Variants in RPGRIP1L observed in about 807,000 individuals in gnomAD.
The protein encoded by RPGRIP1L is RPGRIP1 like.
Under a neutral mutation model 160.4 loss-of-function variants are expected in RPGRIP1L, and 131 were observed. The ratio of observed to expected loss-of-function variants is 0.82; its 90% CI spans 0.71 to 0.94. RPGRIP1L has a LOEUF of 0.94. RPGRIP1L is among the 40% of genes least tolerant of loss of function. The pLI, the probability that RPGRIP1L is intolerant of heterozygous loss-of-function variation, is 0.00. For missense variants in RPGRIP1L, 1,522 were observed against 1,535.8 expected, an observed-to-expected ratio of 0.99 and a Z score of 0.15; for synonymous variants, 510 against 515.8, an observed-to-expected ratio of 0.99 and a Z score of 0.15.
chr16:53,638,282 C>T (rs1279581255), intron 20 of RPGRIP1L, 28 bp downstream of exon 20: 1 of 1,316,446 alleles, frequency 7.6e-7, no homozygotes, highest in Admixed American at 1.7e-5. Context: ...ATTAAACCTT[C>T]CAAAATAATT....
chr16:53,691,904 T>C (rs779020129), intron 4 of RPGRIP1L, among the ~76,000 whole-genome samples, 162 bp downstream of exon 4: 1 of 152,232 alleles, frequency 6.6e-6, no homozygotes, highest in Non-Finnish European at 1.5e-5. Context: ...GATTCTTAAA[T>C]AATCTTCACT....
chr16:53,664,781 A>T, intron 10 of RPGRIP1L, 89 bp downstream of exon 10: 1 of 1,432,850 alleles, frequency 7.0e-7, no homozygotes, highest in Non-Finnish European at 9.7e-7. Context: ...ATACTGGCAA[A>T]CAGTAGGCAC....
chr16:53,660,588 A>T (rs1967696872), intron 10 of RPGRIP1L, among the ~76,000 whole-genome samples: 1 of 151,974 alleles, frequency 6.6e-6, no homozygotes. Context: ...CTGTGATCCT[A>T]GGCAATACAG....
rs1388550480 is a variant in RPGRIP1L at position 53,652,685 on chromosome 16, AG to A, written c.2001del (p.Leu668TyrfsTer31). ...FTSQYLVHVN[D>X]LFLQYIQKNT... ...TTCTTCTGAATATATTGCAAAAATA[AG>A]TCATTAACATGAACAAGATATTGAG... On this transcript the variant is annotated frameshift_variant, in exon 15 of 27. Coordinates refer to ENST00000647211, the MANE Select transcript of RPGRIP1L (RefSeq NM_015272.5). LOFTEE classifies it high-confidence loss of function. 1 of 1,614,108 alleles carries A rather than the reference AG, an allele frequency of 6.2e-7. No homozygotes were observed. The highest frequency in any genetic ancestry group is 2.2e-5 in the East Asian group (1 of 44,868).
At position 53,675,806 on chromosome 16, in the gene RPGRIP1L, T is replaced by C. The variant is rs190332778; in HGVS notation, c.777-684A>G. Reference sequence around the variant, plus strand: ...TATTTTGTATTTTTCCTACTGAGATTAAAGCAAATGTAGAATTTAACAGGA... The same window carrying C: ...TATTTTGTATTTTTCCTACTGAGATCAAAGCAAATGTAGAATTTAACAGGA... On this transcript the variant is annotated intron_variant, in intron 6 of 26. Coordinates refer to ENST00000647211, the MANE Select transcript of RPGRIP1L (RefSeq NM_015272.5). Among the ~76,000 whole-genome samples the C allele has an allele frequency of 2.7e-3, 414 of 152,268 alleles. 1 individual carries two copies. The highest frequency in any genetic ancestry group is 4.1e-3 in the Admixed American group (63 of 15,294).
chr16:53,647,252 G>T (rs1966616668), intron 16 of RPGRIP1L, among the ~76,000 whole-genome samples: 1 of 152,196 alleles, frequency 6.6e-6, no homozygotes, highest in Non-Finnish European at 1.5e-5. Context: ...TTCTTTAACT[G>T]AAAGTCATAG....
In RPGRIP1L at chr16:53,675,026, C is replaced by T; in HGVS notation, c.873G>A (p.Gln291=). ...TAAATTATCACTGTACCTCTTGAAGCTGAATAAATTTTCCTTCCATTGCTG... is the reference window on the plus strand; with the variant it reads ...TAAATTATCACTGTACCTCTTGAAGTTGAATAAATTTTCCTTCCATTGCTG... ...ALSAMEGKFI[Q]LQEKQRTLRI... The change falls in exon 7 of 27, where the codon CAG becomes CAA. Residue 291 remains glutamine (Q), a synonymous_variant. Coordinates refer to ENST00000647211, the MANE Select transcript of RPGRIP1L (RefSeq NM_015272.5). The T allele has an allele frequency of 6.3e-7, 1 of 1,592,442 alleles. No homozygotes were observed. The highest frequency in any genetic ancestry group is 1.1e-5 in the South Asian group (1 of 90,666).
At position 53,687,220 on chromosome 16, in the gene RPGRIP1L, C is replaced by T. The variant is rs951621087; in HGVS notation, c.632+643G>A. On this transcript the variant is annotated intron_variant, in intron 5 of 26. Coordinates refer to ENST00000647211, the MANE Select transcript of RPGRIP1L (RefSeq NM_015272.5). ...CAACTATCTTAAGTATGATACTGTGCGCCATGTTTTCTTTTCTCATGAAGT... is the reference window on the plus strand; with the variant it reads ...CAACTATCTTAAGTATGATACTGTGTGCCATGTTTTCTTTTCTCATGAAGT... Among the ~76,000 whole-genome samples the T allele has an allele frequency of 3.9e-5, 6 of 152,104 alleles. No homozygotes were observed. The East Asian group carries it at 5.8e-4, about 15-fold the overall frequency.
rs1483571366 is a variant in RPGRIP1L, at chr16:53,618,933, A to G, written c.3616+92T>C. 1.5e-5 allele frequency: 16 copies of G among 1,036,956 alleles called. No individual in the cohort carries two copies. The Admixed American group carries it at 2.8e-4, about 18-fold the overall frequency. 64.2% of individuals were successfully genotyped at this position (1,036,956 alleles called of 1,614,324 possible). A position where few individuals can be genotyped will look rare whatever the true frequency, so the allele number is the denominator to read the frequency against. On this transcript the variant is annotated intron_variant, in intron 24 of 26. Coordinates refer to ENST00000647211, the MANE Select transcript of RPGRIP1L (RefSeq NM_015272.5). ...ACTTCCATGAATTTATGTGAATATT[A>G]GAGAAATAAACTTTCTCTCTGTTCT...
At position 53,692,397 on chromosome 16, in the gene RPGRIP1L, T is replaced by C. The variant is rs189750129; in HGVS notation, c.231-33A>G. On this transcript the variant is annotated intron_variant, in intron 3 of 26. Transcript: ENST00000647211. The stretch of plus-strand genomic sequence containing the variant: ...AATAATAAAAAGATGAAAAGGAATG[T>C]GAGAAGTCAGCATAAAATCCATTCT... The C allele has an allele frequency of 2.5e-4, 397 of 1,590,466 alleles. 5 individuals are homozygous for C. The East Asian group carries it at 7.9e-3, about 32-fold the overall frequency.
chr16:53,649,051 C>A lies in RPGRIP1L; in HGVS notation c.2217G>T (p.Met739Ile). The A allele has an allele frequency of 1.9e-6, 3 of 1,613,966 alleles. No homozygotes were observed. Among genetic ancestry groups the A allele is most frequent in the Non-Finnish European group, 2.5e-6 (3 of 1,179,878 alleles). The change falls in exon 16 of 27, where the codon ATG becomes ATT. Residue 739 changes from methionine to isoleucine, a missense_variant. Physicochemically the swap from Met to Ile is conservative, Grantham distance 10. Transcript: ENST00000647211. Reference protein sequence around the residue: ...VEYWFRLRVPMDQAIRLYRER... With the variant: ...VEYWFRLRVPIDQAIRLYRER... ...CTCGATAAAGTCGAATTGCTTGATC[C>A]ATGGGAACTCTTAATCGGAACCAGT...
rs1963411897 is a variant in RPGRIP1L at position 53,602,206 on chromosome 16, G to C, written c.3836-18C>G. ...ATCAAAAACTAGGGAGAAAAGAGCA[G>C]GAAAGTGTTAATATCATTCAACAGA... On this transcript the variant is annotated intron_variant, in intron 26 of 26. Coordinates refer to ENST00000647211, the MANE Select transcript of RPGRIP1L (RefSeq NM_015272.5). 6.5e-7 allele frequency: 1 copy of C among 1,534,624 alleles called. No individual in the cohort carries two copies. The highest frequency in any genetic ancestry group is 9.0e-7 in the Non-Finnish European group (1 of 1,108,272).
chr16:53,607,670 C>G (rs887156970), intron 25 of RPGRIP1L, among the ~76,000 whole-genome samples: 2 of 152,154 alleles, frequency 1.3e-5, no homozygotes, highest in African/African-American at 4.8e-5. Flanking sequence ...CAGACAATTA[C>G]CTCCACTGAA....
chr16:53,697,346 GTCTCCCTCTCCCCACGGTCTCCC>G (rs374301727), intron 2 of RPGRIP1L, among the ~76,000 whole-genome samples: 7,285 of 149,578 alleles, frequency 0.049, 354 homozygotes, highest in East Asian at 0.29. Flanking sequence ...TCTCCCCACG[GTCTCCCTCTCCCCACGGTCTCCC>G]TCTCCCTCTC....
intron 3 of RPGRIP1L, chr16:53,695,491 T>A (rs1271754127): frequency 2.9e-6 from 2 of 701,240 alleles, no homozygotes; most frequent in South Asian, 3.0e-5. Context: ...GACCTGCTCA[T>A]GATTACACAT....
chr16:53,700,914 C>T (rs1391885793), intron 1 of RPGRIP1L, among the ~76,000 whole-genome samples, 184 bp from the exon 2 acceptor site: 2 of 152,130 alleles, frequency 1.3e-5, no homozygotes, highest in African/African-American at 2.4e-5. Context: ...GTCATGGAGA[C>T]AGTGTTCCTT....
At chr16:53,670,028 G>A (rs1968580489) in intron 9 of RPGRIP1L, among the ~76,000 whole-genome samples, 1 of 152,118 alleles carries the variant, frequency 6.6e-6, no homozygotes, top group African/African-American at 2.4e-5. Context: ...TTTGTATACT[G>A]ACATTTAAAC....
At chr16:53,691,991 TA>T in intron 4 of RPGRIP1L, 74 bp downstream of exon 4, 1 of 1,423,482 alleles carries the variant, frequency 7.0e-7, no homozygotes, top group Non-Finnish European at 9.9e-7. Flanking sequence ...AATACAGAAG[TA>T]AAACTTTGTG....
chr16:53,668,451 C>T (rs754491631), intron 9 of RPGRIP1L, among the ~76,000 whole-genome samples: 1 of 152,096 alleles, frequency 6.6e-6, no homozygotes, highest in East Asian at 1.9e-4. Context: ...GGAGTTAATA[C>T]CTCAAAATCA....
Sources: allele counts gnomAD v4.1 joint callset (sites outside exome capture counted in the v4.1 genomes callset), GRCh38; gene constraint gnomAD v4.1.1; transcripts MANE v1.5; gene names NCBI Gene and HGNC (gene_info 2026-07-23, HGNC 2026-07-21).